The following CEP78 variants were observed in gnomAD, a reference collection of about 807,000 sequenced individuals.
The protein encoded by CEP78 is centrosomal protein 78, also known as centrosomal protein of 78 kDa.
A neutral mutation model predicts 81.2 loss-of-function variants in CEP78; 76 were observed. The observed-to-expected ratio is 0.94, with a 90% CI of 0.78 to 1.13. The LOEUF (loss-of-function observed/expected upper bound fraction) is 1.13. Ranked by LOEUF, CEP78 falls within the 50% of genes most tolerant of loss-of-function variation. CEP78 has a pLI of 0.00. For missense variants in CEP78, 918 were observed against 846.8 expected (o/e 1.08, Z -1.04); for synonymous variants, 293 against 301.4 (o/e 0.97, Z 0.29).
Position 78,246,793 on chromosome 9 carries a change from A to T in CEP78, c.892+11A>T. The T allele has an allele frequency of 6.9e-7, 1 of 1,451,356 alleles. No individual in the cohort carries two copies. The highest frequency in any genetic ancestry group is 9.5e-7 in the Non-Finnish European group (1 of 1,056,192). The allele number at this position is 1,451,356 out of a possible 1,614,324, so 89.9% of individuals were successfully genotyped here. On this transcript the variant is annotated intron_variant, in intron 6 of 16. Transcript: ENST00000643273. ...AAAATCCACTCATTGGTATGTCGCT[A>T]CAATATTTTTTATTGACTAACAAAT... is the stretch of plus-strand genomic sequence containing the variant.
chr9:78,248,810 A>G lies in CEP78; in HGVS notation c.1006A>G (p.Lys336Glu). 6.2e-7 allele frequency: 1 copy of G among 1,600,066 alleles called. No individual in the cohort carries two copies. The highest frequency in any genetic ancestry group is 8.5e-7 in the Non-Finnish European group (1 of 1,173,910). Residue 336 changes from lysine to glutamate, a missense_variant, in exon 8 of 17, where the codon AAA becomes GAA. By Grantham distance (56) the Lys-to-Glu change is moderately conservative (BLOSUM62 1). Coordinates refer to ENST00000643273, the MANE Select transcript of CEP78 (RefSeq NM_001330691.3). ...AGTGAAGGAACCATCCAAAACTGCTAAACAGAAAAGGAGAACTATAATTCT... is the reference window on the plus strand; with the variant it reads ...AGTGAAGGAACCATCCAAAACTGCTGAACAGAAAAGGAGAACTATAATTCT... ...PSVKEPSKTA[K>E]QKRRTIILGS... is the part of the protein sequence containing the mutation.
In CEP78 at chr9:78,236,581, C is replaced by G. The variant is rs1825952602; in HGVS notation, c.231C>G (p.Phe77Leu). The change falls in exon 1 of 17, where the codon TTC becomes TTG. Residue 77 changes from phenylalanine to leucine, a missense_variant. Phe to Leu is a conservative substitution (Grantham distance 22). Coordinates refer to ENST00000643273, the MANE Select transcript of CEP78 (RefSeq NM_001330691.3). ...DLPLVSIKSF[F>L]QPWLGDTGSD... ...CCTTGGTCTCCATCAAGAGCTTCTT[C>G]CAGCCCTGGCTGGGGGACACAGGTT... 2 of 1,554,648 alleles carry G rather than the reference C, an allele frequency of 1.3e-6. No individual in the cohort carries two copies. The highest frequency in any genetic ancestry group is 1.7e-6 in the Non-Finnish European group (2 of 1,151,066).
Position 78,236,608 on chromosome 9 carries a change from G to T in CEP78, c.253+5G>T, listed in dbSNP as rs1825955098. 1 of 1,528,866 alleles carries T rather than the reference G, an allele frequency of 6.5e-7. No individual in the cohort carries two copies. Among genetic ancestry groups the T allele is most frequent in the South Asian group, 1.3e-5 (1 of 76,938 alleles). The allele number at this position is 1,528,866 out of a possible 1,614,324, so 94.7% of individuals were successfully genotyped here. On this transcript the variant is annotated splice_donor_5th_base_variant and intron_variant, in intron 1 of 16. Coordinates refer to ENST00000643273, the MANE Select transcript of CEP78 (RefSeq NM_001330691.3). ...AGCCCTGGCTGGGGGACACAGGTTT[G>T]TAGTTCCCGCCTCCAGGGCCCCTCA...
intron 8 of CEP78, among the ~76,000 whole-genome samples, chr9:78,251,437 T>A (rs1321661286): frequency 6.6e-6 from 1 of 152,180 alleles, no homozygotes; most frequent in Non-Finnish European, 1.5e-5. Context: ...TTTTTCCAAT[T>A]CAGAAGGTTC....
At chr9:78,263,949 A>G (rs1450137011) in intron 12 of CEP78, 4 of 324,604 alleles carry the variant, frequency 1.2e-5, no homozygotes, top group Non-Finnish European at 2.2e-5. Context: ...ATGAAATACT[A>G]TTTATATTAT....
At chr9:78,257,475 G>A (rs921446353) in intron 11 of CEP78, among the ~76,000 whole-genome samples, 5 of 152,292 alleles carry the variant, frequency 3.3e-5, no homozygotes, top group Non-Finnish European at 5.9e-5. Flanking sequence ...GGATATCAGG[G>A]ATCAGTGGTT....
chr9:78,259,068 A>C (rs1177944525), intron 11 of CEP78, among the ~76,000 whole-genome samples: 2 of 152,248 alleles, frequency 1.3e-5, no homozygotes, highest in Non-Finnish European at 2.9e-5. Flanking sequence ...GTCCAACCTG[A>C]AAACAACCCG....
Position 78,264,178 on chromosome 9 carries a change from A to C in CEP78, c.1487A>C (p.Asn496Thr). ...ELEHENAQLR[N>T]INFSLSEALH... Reference sequence around the variant, plus strand: ...GAACATGAAAATGCCCAGTTAAGAAATATAAATTTCTCTTTGTCTGAAGCC... The same window carrying C: ...GAACATGAAAATGCCCAGTTAAGAACTATAAATTTCTCTTTGTCTGAAGCC... The change falls in exon 13 of 17, where the codon AAT becomes ACT. Residue 496 changes from asparagine (N) to threonine (T), a missense_variant. Transcript: ENST00000643273. The C allele has an allele frequency of 6.7e-7, 1 of 1,494,194 alleles. No homozygotes were observed. Among genetic ancestry groups the C allele is most frequent in the Middle Eastern group, 1.8e-4 (1 of 5,570 alleles). 92.6% of individuals were successfully genotyped at this position (1,494,194 alleles called of 1,614,324 possible).
intron 11 of CEP78, among the ~76,000 whole-genome samples, chr9:78,262,593 TAAGAA>T: frequency 6.6e-6 from 1 of 152,168 alleles, no homozygotes; most frequent in East Asian, 1.9e-4. Context: ...GATCCACAAA[TAAGAA>T]TAGAATTTCT....
intron 8 of CEP78, chr9:78,249,851 AT>A (rs1432735874): frequency 6.4e-6 from 1 of 156,714 alleles, no homozygotes; most frequent in Non-Finnish European, 1.4e-5. Context: ...TAATGTTTTT[AT>A]GTTTATAATC....
In CEP78 at chr9:78,253,156, G is replaced by A. The variant is rs1826843773; in HGVS notation, c.1206-76G>A. 16 of 728,414 alleles carry A rather than the reference G, an allele frequency of 2.2e-5. 1 individual carries two copies. In the South Asian group the frequency reaches 2.4e-4, roughly 11 times the overall value. 45.1% of individuals were successfully genotyped at this position (728,414 alleles called of 1,614,324 possible). On this transcript the variant is annotated intron_variant, in intron 9 of 16. Coordinates refer to ENST00000643273, the MANE Select transcript of CEP78 (RefSeq NM_001330691.3). ...TGTATGGATAGTATACATAATACTA[G>A]CAAGTGTTATTACCTAGTGTTAACT... is the stretch of plus-strand genomic sequence containing the variant.
At chr9:78,254,770 T>C (rs985561235) in intron 10 of CEP78, 66 bp from the exon 11 acceptor site, 4 of 1,299,068 alleles carry the variant, frequency 3.1e-6, no homozygotes, top group Non-Finnish European at 4.3e-6. Context: ...ATCACTTTGA[T>C]TAGATGTCCT....
chr9:78,261,296 T>G (rs777800915), intron 11 of CEP78, among the ~76,000 whole-genome samples: 2 of 152,176 alleles, frequency 1.3e-5, no homozygotes, highest in Non-Finnish European at 2.9e-5. Context: ...ATAATGGGCC[T>G]GCATACTTCA....
rs182305791 is a variant in CEP78 at position 78,277,157 on chromosome 9, A to C, written c.*6306A>C. On this transcript the variant is annotated 3_prime_UTR_variant, in exon 17 of 17. Transcript: ENST00000643273. ...TTTCTTATTTCATATCATGGATGAA[A>C]AAAATCAAGATGAATTAAACATGGA... 25 of 152,326 alleles carry C rather than the reference A, an allele frequency of 1.6e-4. No homozygotes were observed. Among genetic ancestry groups the C allele is most frequent in the Admixed American group, 1.5e-3 (23 of 15,304 alleles). The allele number at this position is 152,326 out of a possible 1,614,324, so 9.4% of individuals were successfully genotyped here.
chr9:78,248,823 G>T lies in CEP78; in HGVS notation c.1019G>T (p.Arg340Ile). The T allele has an allele frequency of 6.3e-7, 1 of 1,598,496 alleles. No individual in the cohort carries two copies. The highest frequency in any genetic ancestry group is 1.1e-5 in the South Asian group (1 of 87,984). ...EPSKTAKQKR[R>I]TIILGSGHKG... ...TCCAAAACTGCTAAACAGAAAAGGA[G>T]AACTATAATTCTAGGAAGTGGTCAC... Residue 340 changes from arginine to isoleucine, a missense_variant, in exon 8 of 17, where the codon AGA (arginine) becomes ATA (isoleucine). Transcript: ENST00000643273.
intron 5 of CEP78, among the ~76,000 whole-genome samples, chr9:78,244,057 A>T (rs920903305): frequency 1.3e-5 from 2 of 151,042 alleles, no homozygotes; most frequent in Admixed American, 6.6e-5. Flanking sequence ...ATATTTAGGC[A>T]GTTTGTGCTT....
At chr9:78,246,841 A>C (rs971672954) in intron 6 of CEP78, 59 bp downstream of exon 6, 1 of 952,640 alleles carries the variant, frequency 1.0e-6, no homozygotes, top group African/African-American at 1.7e-5. Flanking sequence ...AGAATTTCTC[A>C]TGTATTGACA....
chr9:78,236,937 C>T (rs1825972437), intron 1 of CEP78, among the ~76,000 whole-genome samples: 1 of 142,904 alleles, frequency 7.0e-6, no homozygotes, highest in Non-Finnish European at 1.5e-5. Context: ...GAGAACTAAG[C>T]AGGTAGGAAA....
intron 8 of CEP78, chr9:78,250,600 G>A (rs575650837): frequency 1.3e-4 from 22 of 168,092 alleles, no homozygotes; most frequent in African/African-American, 3.5e-4. Context: ...TTAGCCGGGC[G>A]TGGCGGCGTG....
Sources: gnomAD v4.1 joint callset for allele counts (sites outside exome capture counted in the v4.1 genomes callset) on GRCh38, gnomAD v4.1.1 for gene constraint, MANE v1.5 for transcripts, NCBI Gene and HGNC (gene_info 2026-07-23, HGNC 2026-07-21) for gene names.